The following SCAPER variants were observed in gnomAD, a reference collection of about 807,000 sequenced individuals.
SCAPER encodes the protein S-phase cyclin A associated protein in the ER.
Under a neutral mutation model 182.2 loss-of-function variants are expected in SCAPER, and 98 were observed. The observed-to-expected ratio is 0.54, with a 90% CI of 0.46 to 0.64. The LOEUF (loss-of-function observed/expected upper bound fraction) is 0.64, where lower values mean the gene tolerates loss of function less well. Among genes scored for constraint, SCAPER ranks in the 30% least tolerant of loss-of-function variants. The pLI, the probability that SCAPER is intolerant of heterozygous loss-of-function variation, is 0.00. For missense variants in SCAPER, 1,432 were observed against 1,690.0 expected (o/e 0.85, Z 2.68); for synonymous variants, 605 against 564.6 (o/e 1.07, Z -1.01).
chr15:76,691,062 A>G (rs2058327051), intron 20 of SCAPER, among the ~76,000 whole-genome samples: 1 of 152,098 alleles, frequency 6.6e-6, no homozygotes, highest in Admixed American at 6.5e-5. Flanking sequence ...TAAAAACAAA[A>G]GCACGTATTA....
In SCAPER at chr15:76,771,900, A is replaced by G; in HGVS notation, c.1090T>C (p.Tyr364His). 1 of 1,612,746 alleles carries G rather than the reference A, an allele frequency of 6.2e-7. No homozygotes were observed. Among genetic ancestry groups the G allele is most frequent in the Non-Finnish European group, 8.5e-7 (1 of 1,179,396 alleles). Reference protein sequence around the residue: ...VKNSGSIRDNYVRTSEISAVH... With the variant: ...VKNSGSIRDNHVRTSEISAVH... ...GCAGATATTTCAGAAGTTCGAACAT[A>G]ATTGTCTCGAATACTGCCAGAATTC... The change falls in exon 10 of 32, where the codon TAT becomes CAT. Residue 364 changes from tyrosine (Y) to histidine (H), a missense_variant. Transcript: ENST00000563290.
intron 17 of SCAPER, among the ~76,000 whole-genome samples, chr15:76,721,243 C>T (rs1261542511): frequency 5.9e-5 from 9 of 152,002 alleles, no homozygotes; most frequent in Non-Finnish European, 8.8e-5. Context: ...TGTAGATATG[C>T]GGCATTATTT....
intron 23 of SCAPER, among the ~76,000 whole-genome samples, chr15:76,569,730 C>G (rs1025760176): frequency 6.6e-6 from 1 of 151,786 alleles, no homozygotes; most frequent in Non-Finnish European, 1.5e-5. Flanking sequence ...TTTTCTATAT[C>G]TTTTTCTCTC....
intron 24 of SCAPER, 35 bp from the exon 25 acceptor site, chr15:76,471,370 C>A: frequency 6.4e-7 from 1 of 1,573,718 alleles, no homozygotes; most frequent in South Asian, 1.2e-5. Context: ...TTATAAAACC[C>A]GAGCAGCTCT....
At chr15:76,732,644 T>C (rs2151050022) in intron 16 of SCAPER, among the ~76,000 whole-genome samples, 1 of 152,206 alleles carries the variant, frequency 6.6e-6, no homozygotes, top group Admixed American at 6.5e-5. Flanking sequence ...GGACTCTCCC[T>C]TTCCCCCGGG....
At chr15:76,627,982 C>A (rs986787073) in intron 21 of SCAPER, among the ~76,000 whole-genome samples, 27 of 152,178 alleles carry the variant, frequency 1.8e-4, no homozygotes, top group Admixed American at 1.4e-3. Flanking sequence ...AATTGCCATT[C>A]TGACCGGCAT....
chr15:76,502,801 G>T (rs1205384094), intron 24 of SCAPER, among the ~76,000 whole-genome samples: 2 of 152,172 alleles, frequency 1.3e-5, no homozygotes, highest in African/African-American at 4.8e-5. Context: ...CTGTGGGTCA[G>T]CTAGTGCTGA....
At chr15:76,478,140 T>C (rs2050807327) in intron 24 of SCAPER, among the ~76,000 whole-genome samples, 1 of 151,986 alleles carries the variant, frequency 6.6e-6, no homozygotes, top group South Asian at 2.1e-4. Context: ...AAACTTGATT[T>C]AGGCATAAGG....
rs567000006 is a variant in SCAPER, at chr15:76,376,355, A to G, written c.3706-44T>C. 7.3e-5 allele frequency: 113 copies of G among 1,548,682 alleles called. 3 individuals carry two copies. In the South Asian group the frequency reaches 1.4e-3, roughly 19 times the overall value. The stretch of plus-strand genomic sequence containing the variant: ...AGTTAGAAGCCCTCAGCCCAGGGAG[A>G]GCCAGGGCTGCAAATCACAAAGCAA... On this transcript the variant is annotated intron_variant, in intron 28 of 31. Coordinates refer to ENST00000563290, the MANE Select transcript of SCAPER (RefSeq NM_020843.4).
chr15:76,560,283 C>G (rs2046515113), intron 23 of SCAPER, among the ~76,000 whole-genome samples: 1 of 152,138 alleles, frequency 6.6e-6, no homozygotes, highest in African/African-American at 2.4e-5. Flanking sequence ...GAAACTGAAA[C>G]TTACAAAGGT....
intron 8 of SCAPER, among the ~76,000 whole-genome samples, chr15:76,775,505 G>T (rs186788094): frequency 4.6e-5 from 7 of 152,034 alleles, no homozygotes; most frequent in Non-Finnish European, 1.0e-4. Context: ...GAGACAAAGA[G>T]AAATTAAGTA....
chr15:76,841,719 C>T lies in SCAPER; in HGVS notation c.393+15G>A. The T allele has an allele frequency of 6.2e-7, 1 of 1,612,084 alleles. No individual in the cohort carries two copies. The highest frequency in any genetic ancestry group is 8.5e-7 in the Non-Finnish European group (1 of 1,178,792). On this transcript the variant is annotated intron_variant, in intron 5 of 31. Coordinates refer to ENST00000563290, the MANE Select transcript of SCAPER (RefSeq NM_020843.4). Reference sequence around the variant, plus strand: ...TGAGTTCAAATGGATTACAAGGCCTCAAAGCAAACCTTACCTTACATTCGA... The same window carrying T: ...TGAGTTCAAATGGATTACAAGGCCTTAAAGCAAACCTTACCTTACATTCGA...
intron 21 of SCAPER, among the ~76,000 whole-genome samples, chr15:76,659,123 C>A (rs1232011953): frequency 2.0e-5 from 3 of 152,042 alleles, no homozygotes; most frequent in South Asian, 2.1e-4. Context: ...AAAATATTAC[C>A]AGAGTAAACA....
chr15:76,697,785 G>A (rs1274701356), intron 20 of SCAPER, among the ~76,000 whole-genome samples: 14 of 151,908 alleles, frequency 9.2e-5, no homozygotes, highest in Non-Finnish European at 1.8e-4. Flanking sequence ...AATTACAGGC[G>A]CGCGTCACCA....
chr15:76,830,418 C>G (rs142467615), intron 5 of SCAPER, among the ~76,000 whole-genome samples: 1 of 152,244 alleles, frequency 6.6e-6, no homozygotes, highest in East Asian at 1.9e-4. Context: ...TAGAAGGATG[C>G]AGGGAGTCCT....
chr15:76,362,538 G>A lies in SCAPER; in HGVS notation c.3856-8398C>T, dbSNP rs572423279. 3.0e-4 allele frequency among the ~76,000 whole-genome samples: 45 copies of A among 151,296 alleles called. 1 individual carries two copies. Among genetic ancestry groups the A allele is most frequent in the South Asian group, 1.0e-3 (5 of 4,784 alleles). ...AGCAATTCTCCTGCCTCAGCCTCCC[G>A]AGCAGCTGGGATTACAGGCAGGTGC... On this transcript the variant is annotated intron_variant, in intron 29 of 31. Transcript: ENST00000563290.
chr15:76,513,928 T>C (rs1482762338), intron 23 of SCAPER, among the ~76,000 whole-genome samples: 1 of 152,202 alleles, frequency 6.6e-6, no homozygotes, highest in Admixed American at 6.5e-5. Context: ...AAGCTCTCTG[T>C]ATATTTAGCT....
chr15:76,775,856 T>C (rs1299950043), intron 8 of SCAPER, among the ~76,000 whole-genome samples: 4 of 152,028 alleles, frequency 2.6e-5, no homozygotes, highest in Admixed American at 6.6e-5. Context: ...CTAAAATAAA[T>C]AAGAATCTTT....
At chr15:76,815,119 G>A (rs2066960107) in intron 5 of SCAPER, among the ~76,000 whole-genome samples, 1 of 152,176 alleles carries the variant, frequency 6.6e-6, no homozygotes, top group South Asian at 2.1e-4. Flanking sequence ...AATAACAACT[G>A]TTGGCCAGGG....
Sources: gnomAD v4.1 joint callset for allele counts (sites outside exome capture counted in the v4.1 genomes callset) on GRCh38, gnomAD v4.1.1 for gene constraint, MANE v1.5 for transcripts, NCBI Gene and HGNC (gene_info 2026-07-23, HGNC 2026-07-21) for gene names.